DACH2: variants seen among roughly 807,000 people sequenced by gnomAD.
The protein encoded by DACH2 is dachshund family transcription factor 2, also known as dachshund homolog 2.
DACH2 carries 17 observed loss-of-function variants against 35.8 expected under a neutral mutation model. The observed-to-expected ratio is 0.48, with a 90% CI of 0.33 to 0.71. DACH2 has a LOEUF of 0.71. Ranked by LOEUF, DACH2 falls within the 30% of genes least tolerant of loss-of-function variation. The pLI, the probability that DACH2 is intolerant of heterozygous loss-of-function variation, is 0.02. For synonymous variants in DACH2, 195 were observed against 177.3 expected (o/e 1.10, Z -0.79); for missense variants, 469 against 472.7 (o/e 0.99, Z 0.07).
At chrX:86,733,735 A>G (rs1569475354) in intron 6 of DACH2, among the ~76,000 whole-genome samples, 2 of 111,387 alleles carry the variant, frequency 1.8e-5, no homozygotes, top group South Asian at 7.5e-4. Flanking sequence ...TACCAACACC[A>G]TCTGATTAGC....
intron 3 of DACH2, among the ~76,000 whole-genome samples, chrX:86,531,697 T>A (rs977570599): frequency 1.8e-5 from 2 of 112,446 alleles, no homozygotes; most frequent in Non-Finnish European, 3.8e-5. Flanking sequence ...ACTAGGGCAA[T>A]GCAGAGGGAA....
chrX:86,549,794 G>A (rs1452455007), intron 3 of DACH2, among the ~76,000 whole-genome samples: 1 of 111,097 alleles, frequency 9.0e-6, no homozygotes, highest in Admixed American at 9.6e-5. Flanking sequence ...AAAATTAATT[G>A]TGTTTGATTA....
chrX:86,277,335 G>T (rs1384077346), intron 1 of DACH2, among the ~76,000 whole-genome samples: 1 of 111,305 alleles, frequency 9.0e-6, no homozygotes, highest in Non-Finnish European at 1.9e-5. Flanking sequence ...TTCACTGTTG[G>T]CATATACTCA....
At position 86,281,202 on chromosome X, in the gene DACH2, C is replaced by T. The variant is rs776180991; in HGVS notation, c.489-95622C>T. On this transcript the variant is annotated intron_variant, in intron 1 of 11. Transcript: ENST00000373125. ...AAAATTGAACACATACACAAACACA[C>T]AAAATTTCAGGCCAATATCCCTGAT... is the stretch of plus-strand genomic sequence containing the variant. Among the ~76,000 whole-genome samples, 389 of 110,501 alleles carry T rather than the reference C, an allele frequency of 3.5e-3. 4 individuals are homozygous for T. The highest frequency in any genetic ancestry group is 0.012 in the African/African-American group (373 of 30,481).
chrX:86,813,243 T>C lies in DACH2; in HGVS notation c.1503T>C (p.Leu501=). 8.3e-7 allele frequency: 1 copy of C among 1,201,281 alleles called. No homozygotes were observed. Among genetic ancestry groups the C allele is most frequent in the Non-Finnish European group, 1.1e-6 (1 of 892,350 alleles). Residue 501 remains leucine (L), a synonymous_variant, in exon 9 of 12, where the codon CTT becomes CTC. Transcript: ENST00000373125. The part of the protein sequence containing the change: ...LYREREIREN[L]ERQLAVELQS... Reference sequence around the variant, plus strand: ...GAGAGAGAGAAATTAGAGAAAACCTTGAAAGACAACTTGCAGTTGAGCTTC... The same window carrying C: ...GAGAGAGAGAAATTAGAGAAAACCTCGAAAGACAACTTGCAGTTGAGCTTC...
intron 1 of DACH2, among the ~76,000 whole-genome samples, chrX:86,326,226 C>A (rs1027403095): frequency 1.2e-4 from 13 of 110,441 alleles, no homozygotes; most frequent in Admixed American, 8.8e-4. Context: ...CCTGTGATCC[C>A]AGCACTTTGG....
intron 1 of DACH2, among the ~76,000 whole-genome samples, chrX:86,281,202 C>G (rs776180991): frequency 1.8e-5 from 2 of 110,452 alleles, no homozygotes; most frequent in Non-Finnish European, 3.8e-5. Flanking sequence ...CACAAACACA[C>G]AAAATTTCAG....
chrX:86,222,803 G>A (rs761860066), intron 1 of DACH2, among the ~76,000 whole-genome samples: 4 of 111,027 alleles, frequency 3.6e-5, no homozygotes, highest in Admixed American at 1.9e-4. Flanking sequence ...CACCAATCAG[G>A]AGAGCTTGGG....
intron 3 of DACH2, among the ~76,000 whole-genome samples, chrX:86,636,969 G>T (rs1242005207): frequency 1.1e-5 from 1 of 93,758 alleles, no homozygotes; most frequent in Non-Finnish European, 2.1e-5. Flanking sequence ...CTGTGACAAA[G>T]TTCAAATATC....
intron 2 of DACH2, among the ~76,000 whole-genome samples, chrX:86,479,188 T>G (rs1473678648): frequency 9.0e-6 from 1 of 111,436 alleles, no homozygotes; most frequent in Non-Finnish European, 1.9e-5. Context: ...TCTGCCGGTG[T>G]GTTCCTCTCG....
intron 3 of DACH2, among the ~76,000 whole-genome samples, chrX:86,611,803 C>T (rs2039949045): frequency 9.0e-6 from 1 of 111,384 alleles, no homozygotes; most frequent in African/African-American, 3.3e-5. Context: ...GATGGGGCAA[C>T]GGTGGTGTCA....
chrX:86,173,550 G>C (rs969733750), intron 1 of DACH2, among the ~76,000 whole-genome samples: 2 of 111,615 alleles, frequency 1.8e-5, no homozygotes, highest in African/African-American at 6.5e-5. Flanking sequence ...TGAGAGAACA[G>C]TTGGACCAGA....
chrX:86,515,901 G>C (rs1260802062), intron 3 of DACH2, among the ~76,000 whole-genome samples: 1 of 112,117 alleles, frequency 8.9e-6, no homozygotes, highest in Non-Finnish European at 1.9e-5. Context: ...AAATATTGAG[G>C]GCCTGAAGGC....
chrX:86,813,118 G>A lies in DACH2; in HGVS notation c.1390-12G>A. ...TAAGATGAACTGCATGTCATTTCCTGTACCTTGACAGGGTCTGCTGAAAGT... is the reference window on the plus strand; with the variant it reads ...TAAGATGAACTGCATGTCATTTCCTATACCTTGACAGGGTCTGCTGAAAGT... On this transcript the variant is annotated splice_polypyrimidine_tract_variant and intron_variant, in intron 8 of 11. Transcript: ENST00000373125. The A allele has an allele frequency of 8.3e-7, 1 of 1,202,740 alleles. No homozygotes were observed. Among genetic ancestry groups the A allele is most frequent in the Non-Finnish European group, 1.1e-6 (1 of 892,120 alleles).
chrX:86,187,148 G>GAGAT (rs759101273), intron 1 of DACH2, among the ~76,000 whole-genome samples: 2 of 111,252 alleles, frequency 1.8e-5, no homozygotes, highest in South Asian at 7.5e-4. Context: ...AATTTAATGA[G>GAGAT]AGATATTATA....
chrX:86,293,457 C>A (rs2034358662), intron 1 of DACH2, among the ~76,000 whole-genome samples: 1 of 107,184 alleles, frequency 9.3e-6, no homozygotes. Context: ...TGAATTTGAT[C>A]CTGTCATTAT....
chrX:86,490,657 A>G (rs2038081762), intron 2 of DACH2, among the ~76,000 whole-genome samples: 2 of 111,224 alleles, frequency 1.8e-5, no homozygotes, highest in South Asian at 7.5e-4. Context: ...GTTATATCCT[A>G]TGATGTTTTT....
chrX:86,569,220 C>T (rs1027082174), intron 3 of DACH2, among the ~76,000 whole-genome samples: 1 of 110,790 alleles, frequency 9.0e-6, no homozygotes, highest in Non-Finnish European at 1.9e-5. Context: ...GTGATAATAA[C>T]GTGTTAAGTC....
At chrX:86,545,514 A>G (rs2038945213) in intron 3 of DACH2, among the ~76,000 whole-genome samples, 1 of 112,164 alleles carries the variant, frequency 8.9e-6, no homozygotes, top group African/African-American at 3.2e-5. Context: ...CTAGATAACA[A>G]ACATGCATAT....
Sources: gnomAD v4.1 joint callset for allele counts (sites outside exome capture counted in the v4.1 genomes callset) on GRCh38, gnomAD v4.1.1 for gene constraint, MANE v1.5 for transcripts, NCBI Gene and HGNC (gene_info 2026-07-23, HGNC 2026-07-21) for gene names.